Variants in LINGO2 observed in about 807,000 individuals in gnomAD.
LINGO2 encodes the protein leucine-rich repeat and immunoglobulin-like domain-containing nogo receptor-interacting protein 2.
LINGO2 carries 14 observed loss-of-function variants against 30.6 expected under a neutral mutation model. That is an observed-to-expected ratio of 0.46 (90% CI 0.30 to 0.72). The LOEUF is 0.72. LINGO2 is among the 30% of genes least tolerant of loss of function. LINGO2 has a pLI of 0.07. For synonymous variants in LINGO2, 317 were observed against 288.5 expected (o/e 1.10, Z -1.00); for missense variants, 729 against 751.7 (o/e 0.97, Z 0.35).
At chr9:28,830,961 G>C in the LINGO2 span, among the ~76,000 whole-genome samples, 1 of 152,200 alleles carries the variant, frequency 6.6e-6, no homozygotes, top group South Asian at 2.1e-4. Flanking sequence ...AGCAGCCCTG[G>C]GCTAACATGA....
At chr9:28,868,699 T>C in the LINGO2 span, among the ~76,000 whole-genome samples, 1 of 152,266 alleles carries the variant, frequency 6.6e-6, no homozygotes, top group Non-Finnish European at 1.5e-5. Context: ...ATTATTTCTC[T>C]CATTAATGAA....
At chr9:29,145,522 A>T in the LINGO2 span, among the ~76,000 whole-genome samples, 1 of 151,782 alleles carries the variant, frequency 6.6e-6, no homozygotes, top group Non-Finnish European at 1.5e-5. Context: ...ACTCCATTTT[A>T]AAAAAATAAC....
chr9:28,616,829 T>C (rs1280271872), intron 1 of LINGO2, among the ~76,000 whole-genome samples: 1 of 152,210 alleles, frequency 6.6e-6, no homozygotes, highest in Non-Finnish European at 1.5e-5. Context: ...GCTTGGAGTT[T>C]TGTTAACTGT....
At chr9:28,500,230 T>C (rs1417914130) in intron 1 of LINGO2, among the ~76,000 whole-genome samples, 4 of 152,116 alleles carry the variant, frequency 2.6e-5, no homozygotes, top group Non-Finnish European at 5.9e-5. Flanking sequence ...TTCAAGGAAG[T>C]TGGGGGCTTT....
chr9:28,033,111 A>G (rs1823762309), intron 4 of LINGO2, among the ~76,000 whole-genome samples: 1 of 152,232 alleles, frequency 6.6e-6, no homozygotes, highest in South Asian at 2.1e-4. Context: ...ATTTGCTGCT[A>G]TGATCCCTTT....
the LINGO2 span, among the ~76,000 whole-genome samples, chr9:29,189,089 CGGCTGGCCG>C: frequency 2.6e-5 from 2 of 77,232 alleles, no homozygotes; most frequent in Non-Finnish European, 6.4e-5. Context: ...CCGGACGGGG[CGGCTGGCCG>C]ACCGCCCCGC....
the LINGO2 span, among the ~76,000 whole-genome samples, chr9:28,872,937 G>A: frequency 5.9e-5 from 9 of 152,078 alleles, no homozygotes; most frequent in African/African-American, 2.2e-4. Context: ...TCTACCTGAG[G>A]ATTAGGATTC....
intron 4 of LINGO2, among the ~76,000 whole-genome samples, chr9:28,282,811 C>T (rs929217967): frequency 1.3e-5 from 2 of 152,020 alleles, no homozygotes; most frequent in Non-Finnish European, 2.9e-5. Flanking sequence ...TGCTAGTAAC[C>T]AGCTCTAAAA....
At chr9:28,448,861 A>G (rs1824531833) in intron 2 of LINGO2, among the ~76,000 whole-genome samples, 1 of 152,018 alleles carries the variant, frequency 6.6e-6, no homozygotes, top group Admixed American at 6.6e-5. Flanking sequence ...GGGAATGTTA[A>G]GTTATCCAGT....
intron 4 of LINGO2, among the ~76,000 whole-genome samples, chr9:28,144,185 G>GT (rs532484935): frequency 1.3e-5 from 2 of 152,228 alleles, no homozygotes; most frequent in African/African-American, 2.4e-5. Context: ...AAAGGTTATT[G>GT]TTTTTTGGAA....
intron 4 of LINGO2, among the ~76,000 whole-genome samples, chr9:28,111,291 G>A (rs1826779605): frequency 6.6e-6 from 1 of 150,930 alleles, no homozygotes; most frequent in African/African-American, 2.4e-5. Context: ...ACACATGTGG[G>A]GCCTAAACTC....
chr9:29,079,689 C>A, the LINGO2 span, among the ~76,000 whole-genome samples: 2 of 151,880 alleles, frequency 1.3e-5, no homozygotes, highest in Non-Finnish European at 2.9e-5. Flanking sequence ...CAGGTCTTCT[C>A]CAGAACATAT....
At chr9:28,741,947 C>T in the LINGO2 span, among the ~76,000 whole-genome samples, 3 of 151,628 alleles carry the variant, frequency 2.0e-5, no homozygotes, top group Non-Finnish European at 4.4e-5. Flanking sequence ...GAGCCTGGAG[C>T]CCCTGCAGTC....
At chr9:28,052,782 T>C (rs1186687547) in intron 4 of LINGO2, among the ~76,000 whole-genome samples, 4 of 152,066 alleles carry the variant, frequency 2.6e-5, no homozygotes, top group Non-Finnish European at 5.9e-5. Flanking sequence ...AGAGACATCT[T>C]AGTTCTCAAG....
chr9:28,861,068 A>T, the LINGO2 span, among the ~76,000 whole-genome samples: 6 of 125,126 alleles, frequency 4.8e-5, no homozygotes, highest in Admixed American at 3.9e-4. Context: ...ATGTATTATT[A>T]ATATATAAAT....
intron 2 of LINGO2, among the ~76,000 whole-genome samples, chr9:28,396,324 G>C (rs761396575): frequency 6.6e-6 from 1 of 152,154 alleles, no homozygotes; most frequent in Non-Finnish European, 1.5e-5. Context: ...ATTTTAGAGA[G>C]TCTAGTCAGA....
At chr9:28,317,148 T>A (rs1016053859) in intron 3 of LINGO2, among the ~76,000 whole-genome samples, 1 of 152,178 alleles carries the variant, frequency 6.6e-6, no homozygotes. Context: ...AACTTTGAGG[T>A]CTGAAGATTC....
chr9:28,552,041 G>C (rs1302112147), intron 1 of LINGO2, among the ~76,000 whole-genome samples: 3 of 151,884 alleles, frequency 2.0e-5, no homozygotes, highest in Non-Finnish European at 4.4e-5. Context: ...TGCTTTCTGT[G>C]TTTTAGTAAT....
chr9:28,572,908 T>A (rs1823769269), intron 1 of LINGO2, among the ~76,000 whole-genome samples: 1 of 152,170 alleles, frequency 6.6e-6, no homozygotes, highest in Non-Finnish European at 1.5e-5. Flanking sequence ...CAAAGTAAGA[T>A]TGCTTTATAA....
Sources: allele counts gnomAD v4.1 joint callset (sites outside exome capture counted in the v4.1 genomes callset), GRCh38; gene constraint gnomAD v4.1.1; transcripts MANE v1.5; gene names NCBI Gene and HGNC (gene_info 2026-07-23, HGNC 2026-07-21).